The following CA9 variants were observed in gnomAD, a reference collection of about 807,000 sequenced individuals.
CA9 encodes carbonic anhydrase 9.
Under a neutral mutation model 51.8 loss-of-function variants are expected in CA9, and 43 were observed. The observed-to-expected ratio is 0.83, with a 90% CI of 0.65 to 1.07. The LOEUF is 1.07. Among genes scored for constraint, CA9 ranks in the 50% least tolerant of loss-of-function variants. CA9 has a pLI of 0.00. For synonymous variants in CA9, 253 were observed against 244.2 expected (o/e 1.04, Z -0.34); for missense variants, 574 against 581.4 (o/e 0.99, Z 0.13).
At chr9:35,674,558 A>C in intron 1 of CA9, 196 bp downstream of exon 1, 1 of 551,108 alleles carries the variant, frequency 1.8e-6, no homozygotes, top group Non-Finnish European at 3.2e-6. Flanking sequence ...AGAAAATAAA[A>C]AGGGTGCAAA....
chr9:35,680,810 T>C lies in CA9; in HGVS notation c.1295T>C (p.Leu432Pro). Residue 432 changes from leucine to proline, a missense_variant, in exon 10 of 11, where the codon CTT becomes CCT. Transcript: ENST00000378357. ...LLFAVTSVAF[L>P]VQMRRQHRRG... Reference sequence around the variant, plus strand: ...TTTGCTGTCACCAGCGTCGCGTTCCTTGTGCAGATGAGAAGGCAGCACAGG... The same window carrying C: ...TTTGCTGTCACCAGCGTCGCGTTCCCTGTGCAGATGAGAAGGCAGCACAGG... 2 of 1,614,256 alleles carry C rather than the reference T, an allele frequency of 1.2e-6. No homozygotes were observed. Among genetic ancestry groups the C allele is most frequent in the Non-Finnish European group, 1.7e-6 (2 of 1,180,032 alleles).
At chr9:35,680,231 C>T (rs1314318111) in intron 9 of CA9, 92 bp downstream of exon 9, 1 of 1,452,388 alleles carries the variant, frequency 6.9e-7, no homozygotes, top group East Asian at 2.3e-5. Context: ...TGCTCCCTCT[C>T]CTTTTCTGCA....
intron 6 of CA9, among the ~76,000 whole-genome samples, chr9:35,678,143 A>G (rs1221394595): frequency 1.3e-5 from 2 of 152,036 alleles, no homozygotes; most frequent in African/African-American, 4.8e-5. Flanking sequence ...TCAAGAGATC[A>G]AGACCATCCT....
intron 7 of CA9, 74 bp from the exon 8 acceptor site, chr9:35,679,780 G>C: frequency 1.4e-6 from 2 of 1,462,046 alleles, no homozygotes; most frequent in Non-Finnish European, 1.8e-6. Flanking sequence ...TGAGGTGCTG[G>C]TTGTGAGCTG....
At chr9:35,680,649 T>G in intron 9 of CA9, 104 bp from the exon 10 acceptor site, 1 of 899,184 alleles carries the variant, frequency 1.1e-6, no homozygotes, top group Non-Finnish European at 1.8e-6. Context: ...AGGGGCTGCC[T>G]GAGAACTCGG....
intron 1 of CA9, chr9:35,674,658 C>G (rs908270049): frequency 1.4e-5 from 4 of 284,338 alleles, no homozygotes; most frequent in Non-Finnish European, 2.6e-5. Context: ...AAAAAATGTG[C>G]AGACAGAGGA....
At position 35,680,767 on chromosome 9, in the gene CA9, C is replaced by G; in HGVS notation, c.1252C>G (p.Leu418Val). The G allele has an allele frequency of 6.2e-7, 1 of 1,614,204 alleles. No homozygotes were observed. The highest frequency in any genetic ancestry group is 8.5e-7 in the Non-Finnish European group (1 of 1,180,016). ...CTCCATCGCAGGTGACATCCTAGCC[C>G]TGGTTTTTGGCCTCCTTTTTGCTGT... Reference protein sequence around the residue: ...SCLAAGDILALVFGLLFAVTS... With the variant: ...SCLAAGDILAVVFGLLFAVTS... Residue 418 changes from leucine to valine, a missense_variant, in exon 10 of 11, where the codon CTG (leucine) becomes GTG (valine). By Grantham distance (32) the Leu-to-Val change is conservative. Transcript: ENST00000378357.
At chr9:35,679,704 A>C (rs1824494315) in intron 7 of CA9, 150 bp from the exon 8 acceptor site, 1 of 744,222 alleles carries the variant, frequency 1.3e-6, no homozygotes, top group Non-Finnish European at 2.1e-6. Context: ...TTTAGGATAC[A>C]TTTATTTATT....
rs765821136 is a variant in CA9, at chr9:35,675,834, G to C, written c.507G>C (p.Gln169His). 1.9e-6 allele frequency: 3 copies of C among 1,604,078 alleles called. No individual in the cohort carries two copies. Among genetic ancestry groups the C allele is most frequent in the Non-Finnish European group, 2.5e-6 (3 of 1,179,394 alleles). The change falls in exon 3 of 11, where the codon CAG becomes CAC. Residue 169 changes from glutamine to histidine, a missense_variant. Coordinates refer to ENST00000378357, the MANE Select transcript of CA9 (RefSeq NM_001216.3). Reference sequence around the variant, plus strand: ...AGTCCCCGGTGGATATCCGCCCCCAGCTCGCCGCCTTCTGCCCGGCCCTGC... The same window carrying C: ...AGTCCCCGGTGGATATCCGCCCCCACCTCGCCGCCTTCTGCCCGGCCCTGC... ...RFQSPVDIRP[Q>H]LAAFCPALRP...
intron 9 of CA9, among the ~76,000 whole-genome samples, chr9:35,680,372 CTT>C (rs3833699): frequency 6.6e-6 from 1 of 151,244 alleles, no homozygotes; most frequent in Non-Finnish European, 1.5e-5. Context: ...AATCCCCCCC[CTT>C]TTTTTAAAGA....
intron 1 of CA9, chr9:35,675,212 T>TA (rs1824392629): frequency 2.8e-6 from 1 of 353,022 alleles, no homozygotes; most frequent in Non-Finnish European, 5.2e-6. Flanking sequence ...CAGGCTGGTC[T>TA]CGAACTCCTG....
intron 1 of CA9, chr9:35,675,083 C>T (rs1824390145): frequency 1.8e-5 from 3 of 162,206 alleles, no homozygotes; most frequent in Non-Finnish European, 2.7e-5. Context: ...CTCCACCTCC[C>T]GGGTTCAAGT....
intron 3 of CA9, 26 bp from the exon 4 acceptor site, chr9:35,676,038 C>T (rs948611511): frequency 6.2e-7 from 1 of 1,610,580 alleles, no homozygotes; most frequent in African/African-American, 1.3e-5. Flanking sequence ...CGGGCGGGGC[C>T]GGCTCACTTG....
In CA9 at chr9:35,676,083, T is replaced by G; in HGVS notation, c.624T>G (p.Pro208=). 1 of 1,613,238 alleles carries G rather than the reference T, an allele frequency of 6.2e-7. No individual in the cohort carries two copies. The highest frequency in any genetic ancestry group is 8.5e-7 in the Non-Finnish European group (1 of 1,179,740). ...ACGCAGTGCAACTGACCCTGCCTCC[T>G]GGGCTAGAGATGGCTCTGGGTCCCG... ...NGHSVQLTLP[P]GLEMALGPGR... The change falls in exon 4 of 11, where the codon CCT becomes CCG. Residue 208 remains proline, a synonymous_variant. Transcript: ENST00000378357.
Position 35,677,778 on chromosome 9 carries a change from G to A in CA9, c.841-12G>A, listed in dbSNP as rs373358544. 53 of 1,612,766 alleles carry A rather than the reference G, an allele frequency of 3.3e-5. No individual in the cohort carries two copies. Among genetic ancestry groups the A allele is most frequent in the Non-Finnish European group, 4.3e-5 (51 of 1,178,870 alleles). The stretch of plus-strand genomic sequence containing the variant: ...TACATGCACTCATCTGTCTTACAAT[G>A]TCATCCCCCAGGAGGGCCCGGAAGA... On this transcript the variant is annotated splice_polypyrimidine_tract_variant and intron_variant, in intron 5 of 10. Transcript: ENST00000378357.
rs2131835530 is a variant in CA9 at position 35,675,848 on chromosome 9, G to C, written c.521G>C (p.Cys174Ser). 1 of 1,604,730 alleles carries C rather than the reference G, an allele frequency of 6.2e-7. No individual in the cohort carries two copies. The change falls in exon 3 of 11, where the codon TGC becomes TCC. Residue 174 changes from cysteine to serine, a missense_variant. Cys to Ser is a moderately radical substitution (Grantham distance 112, BLOSUM62 -1). Transcript: ENST00000378357. Reference protein sequence around the residue: ...VDIRPQLAAFCPALRPLELLG... With the variant: ...VDIRPQLAAFSPALRPLELLG... ...ATCCGCCCCCAGCTCGCCGCCTTCT[G>C]CCCGGCCCTGCGCCCCCTGGAACTC...
intron 1 of CA9, 197 bp from the exon 2 acceptor site, chr9:35,675,341 T>G: frequency 1.6e-6 from 1 of 628,998 alleles, no homozygotes; most frequent in Non-Finnish European, 2.9e-6. Flanking sequence ...GATTGCAAGC[T>G]GGTAGGATTG....
At chr9:35,680,312 A>T (rs1429089221) in intron 9 of CA9, among the ~76,000 whole-genome samples, 173 bp downstream of exon 9, 2 of 152,144 alleles carry the variant, frequency 1.3e-5, no homozygotes, top group African/African-American at 4.8e-5. Flanking sequence ...CCAGAGGCTA[A>T]TTGATTAGAA....
rs761452923 is a variant in CA9, at chr9:35,673,959, C to T, written c.-1C>T. The T allele has an allele frequency of 3.8e-6, 6 of 1,593,334 alleles. No individual in the cohort carries two copies. In the South Asian group the frequency reaches 6.9e-5, roughly 18 times the overall value. On this transcript the variant is annotated 5_prime_UTR_variant, in exon 1 of 11. Transcript: ENST00000378357. ...TGCTGGGACACCCCACAGTCAGCCG[C>T]ATGGCTCCCCTGTGCCCCAGCCCCT... is the stretch of plus-strand genomic sequence containing the variant.
Sources: allele counts gnomAD v4.1 joint callset (sites outside exome capture counted in the v4.1 genomes callset), GRCh38; gene constraint gnomAD v4.1.1; transcripts MANE v1.5; gene names NCBI Gene and HGNC (gene_info 2026-07-23, HGNC 2026-07-21).